The following AKT3 variants were observed in gnomAD, a reference collection of about 807,000 sequenced individuals.
The protein encoded by AKT3 is RAC-gamma serine/threonine-protein kinase.
AKT3 carries 15 observed loss-of-function variants against 65.3 expected under a neutral mutation model. That is an observed-to-expected ratio of 0.23 (90% CI 0.15 to 0.35). The LOEUF is 0.35. AKT3 is among the 10% of genes least tolerant of loss of function. The pLI is 1.00. For missense variants in AKT3, 243 were observed against 576.5 expected, an observed-to-expected ratio of 0.42 and a Z score of 5.92; for synonymous variants, 206 against 183.8, an observed-to-expected ratio of 1.12 and a Z score of -0.98.
At chr1:243,544,821 CCTTAGCAGCCTT>C (rs1281217060) in intron 12 of AKT3, among the ~76,000 whole-genome samples, 2 of 151,246 alleles carry the variant, frequency 1.3e-5, no homozygotes, top group African/African-American at 4.9e-5. Context: ...CTCCTGCCTG[CCTTAGCAGCCTT>C]CTTAGGAGTG....
Position 243,608,753 on chromosome 1 carries a change from T to C in AKT3, c.696+4918A>G, listed in dbSNP as rs1441305105. 7.5e-4 allele frequency among the ~76,000 whole-genome samples: 97 copies of C among 129,754 alleles called. 2 individuals are homozygous for C. The highest frequency in any genetic ancestry group is 2.8e-3 in the South Asian group (10 of 3,534). 85.1% of individuals were successfully genotyped at this position (129,754 alleles called of 152,430 possible). On this transcript the variant is annotated intron_variant, in intron 8 of 13. Coordinates refer to ENST00000673466, the MANE Select transcript of AKT3 (RefSeq NM_005465.7). Reference sequence around the variant, plus strand: ...TAATTAAGTTTTTTGCTTTTTTTTTTTTTTTTTTTTTTTTTTTGAGACGGA... The same window carrying C: ...TAATTAAGTTTTTTGCTTTTTTTTTCTTTTTTTTTTTTTTTTTGAGACGGA...
In AKT3 at chr1:243,780,646, GGAA is replaced by G. The variant is rs1269640692; in HGVS notation, c.46+62476_46+62478del. 3.3e-5 allele frequency among the ~76,000 whole-genome samples: 5 copies of G among 151,460 alleles called. No individual in the cohort carries two copies. The East Asian group carries it at 7.7e-4, about 23-fold the overall frequency. Reference sequence around the variant, plus strand: ...AAAGAGAGGGAACAGAGGGAAGAAAGGAAGAAGAGGAAAAAAGAAAGATAATAC... The same window carrying G: ...AAAGAGAGGGAACAGAGGGAAGAAAGGAAGAGGAAAAAAGAAAGATAATAC... On this transcript the variant is annotated intron_variant, in intron 2 of 13. Coordinates refer to ENST00000673466, the MANE Select transcript of AKT3 (RefSeq NM_005465.7).
intron 3 of AKT3, among the ~76,000 whole-genome samples, chr1:243,681,819 T>C (rs992173050): frequency 5.9e-5 from 9 of 152,068 alleles, no homozygotes; most frequent in Middle Eastern, 3.4e-3. Context: ...CATTATCTAG[T>C]TTTTTTTCCT....
intron 2 of AKT3, among the ~76,000 whole-genome samples, chr1:243,811,794 A>C (rs1693176046): frequency 6.6e-6 from 1 of 152,234 alleles, no homozygotes; most frequent in African/African-American, 2.4e-5. Context: ...ACAGTAACCA[A>C]AACAGCATGG....
chr1:243,684,858 C>A (rs935184209), intron 3 of AKT3, among the ~76,000 whole-genome samples: 4 of 152,100 alleles, frequency 2.6e-5, no homozygotes, highest in Non-Finnish European at 1.5e-5. Flanking sequence ...TTCTAACTGG[C>A]GTGGGATGGT....
At chr1:243,741,970 G>GTA (rs1489975025) in intron 2 of AKT3, among the ~76,000 whole-genome samples, 3 of 148,424 alleles carry the variant, frequency 2.0e-5, no homozygotes, top group Non-Finnish European at 4.5e-5. Flanking sequence ...GTAAACTACA[G>GTA]TATTTTTCCA....
intron 2 of AKT3, among the ~76,000 whole-genome samples, chr1:243,836,670 G>A (rs576424546): frequency 6.6e-6 from 1 of 152,258 alleles, no homozygotes; most frequent in East Asian, 1.9e-4. Flanking sequence ...CAGCACTTTG[G>A]AAGGCCAAGG....
At chr1:243,812,594 T>C (rs1558835801) in intron 2 of AKT3, among the ~76,000 whole-genome samples, 1 of 152,152 alleles carries the variant, frequency 6.6e-6, no homozygotes. Context: ...GGTTCAACCA[T>C]TGTGGAAGAC....
intron 2 of AKT3, among the ~76,000 whole-genome samples, chr1:243,749,394 T>C (rs979251705): frequency 6.6e-6 from 1 of 151,960 alleles, no homozygotes; most frequent in Non-Finnish European, 1.5e-5. Flanking sequence ...CAAACCCCTC[T>C]CCCCCAACCC....
rs945670006 is a variant in AKT3, at chr1:243,523,429, CT to C, written c.1252-11004del. 1.8e-4 allele frequency among the ~76,000 whole-genome samples: 28 copies of C among 152,238 alleles called. 1 individual carries two copies. The highest frequency in any genetic ancestry group is 8.5e-4 in the Admixed American group (13 of 15,298). On this transcript the variant is annotated intron_variant, in intron 12 of 13. Transcript: ENST00000673466. ...GTACTTCCTGTTAGCCTGGTAAACT[CT>C]CAAACAGGACTTTAAATGATCTGAA...
chr1:243,527,676 T>G (rs1452591675), intron 12 of AKT3, among the ~76,000 whole-genome samples: 1 of 152,062 alleles, frequency 6.6e-6, no homozygotes, highest in African/African-American at 2.4e-5. Context: ...TTAAAACTTC[T>G]AATATCAACC....
At chr1:243,730,059 A>C (rs899740986) in intron 2 of AKT3, among the ~76,000 whole-genome samples, 9 of 152,176 alleles carry the variant, frequency 5.9e-5, no homozygotes, top group African/African-American at 2.2e-4. Context: ...GAAGCCTGAA[A>C]ACCTGGCTGC....
At chr1:243,801,385 T>A in intron 2 of AKT3, among the ~76,000 whole-genome samples, 1 of 152,196 alleles carries the variant, frequency 6.6e-6, no homozygotes. Flanking sequence ...GACCTAATAA[T>A]TCCATCAACC....
chr1:243,514,920 TACC>T (rs1670252993), intron 12 of AKT3, among the ~76,000 whole-genome samples: 1 of 152,238 alleles, frequency 6.6e-6, no homozygotes, highest in Non-Finnish European at 1.5e-5. Context: ...TGAAAACATC[TACC>T]ACTTCAAATG....
chr1:243,628,212 T>C (rs1412900034), intron 6 of AKT3, among the ~76,000 whole-genome samples: 2 of 152,106 alleles, frequency 1.3e-5, no homozygotes, highest in Non-Finnish European at 2.9e-5. Flanking sequence ...AGAGAAACAC[T>C]CTAACGAGTA....
chr1:243,730,527 C>T (rs1234259137), intron 2 of AKT3, among the ~76,000 whole-genome samples: 1 of 152,152 alleles, frequency 6.6e-6, no homozygotes, highest in African/African-American at 2.4e-5. Context: ...TTCTGGGGGC[C>T]GAGACATCAG....
chr1:243,557,373 A>G (rs1201271130), intron 10 of AKT3, among the ~76,000 whole-genome samples: 1 of 152,064 alleles, frequency 6.6e-6, no homozygotes, highest in Non-Finnish European at 1.5e-5. Flanking sequence ...CTTAAACTAG[A>G]ATCACACCGA....
intron 2 of AKT3, among the ~76,000 whole-genome samples, chr1:243,723,377 T>C (rs765418549): frequency 2.0e-5 from 3 of 152,218 alleles, no homozygotes; most frequent in East Asian, 1.9e-4. Flanking sequence ...GAGGTGAATA[T>C]AGAATTTATC....
rs577498405 is a variant in AKT3 at position 243,830,697 on chromosome 1, A to G, written c.46+12428T>C. On this transcript the variant is annotated intron_variant, in intron 2 of 13. Transcript: ENST00000673466. ...ATTCTTCTTATAGGCTTAGAAAGTT[A>G]GGTTTCATGAAATCAGAGGTACTTT... Among the ~76,000 whole-genome samples, 17 of 152,340 alleles carry G rather than the reference A, an allele frequency of 1.1e-4. No homozygotes were observed. The South Asian group carries it at 3.1e-3, about 28-fold the overall frequency.
Sources: allele counts gnomAD v4.1 joint callset (sites outside exome capture counted in the v4.1 genomes callset), GRCh38; gene constraint gnomAD v4.1.1; transcripts MANE v1.5; gene names NCBI Gene and HGNC (gene_info 2026-07-23, HGNC 2026-07-21).